Variants in NRG3 observed in about 807,000 individuals in gnomAD.
NRG3 encodes neuregulin 3.
Under a neutral mutation model 66.9 loss-of-function variants are expected in NRG3, and 31 were observed. That is an observed-to-expected ratio of 0.46 (90% CI 0.35 to 0.63). The LOEUF (loss-of-function observed/expected upper bound fraction) is 0.63. Ranked by LOEUF, NRG3 falls within the 20% of genes least tolerant of loss-of-function variation. The probability of loss-of-function intolerance (pLI) is 0.00; values close to 1 mark genes in which losing one functional copy is unlikely to be tolerated. For synonymous variants in NRG3, 393 were observed against 359.4 expected, an observed-to-expected ratio of 1.09 and a Z score of -1.06; for missense variants, 910 against 878.9, an observed-to-expected ratio of 1.04 and a Z score of -0.45.
At chr10:82,446,516 T>A (rs1448850921) in intron 2 of NRG3, among the ~76,000 whole-genome samples, 1 of 152,168 alleles carries the variant, frequency 6.6e-6, no homozygotes, top group Non-Finnish European at 1.5e-5. Context: ...GCCATTATCC[T>A]CAGCAAACTA....
intron 1 of NRG3, among the ~76,000 whole-genome samples, chr10:81,936,040 T>C (rs1264066326): frequency 1.3e-5 from 2 of 152,146 alleles, no homozygotes; most frequent in African/African-American, 4.8e-5. Flanking sequence ...GTTATGGTCC[T>C]GCCTGTGTTC....
chr10:81,973,623 C>CTA (rs1564702864), intron 1 of NRG3, among the ~76,000 whole-genome samples: 1 of 152,086 alleles, frequency 6.6e-6, no homozygotes, highest in Non-Finnish European at 1.5e-5. Context: ...TAGATGGTAT[C>CTA]TCATTGCAGT....
intron 1 of NRG3, among the ~76,000 whole-genome samples, chr10:82,242,215 C>T (rs570087047): frequency 2.9e-4 from 44 of 152,202 alleles, no homozygotes; most frequent in African/African-American, 1.0e-3. Context: ...CAACTTCAAT[C>T]GTGGATGCCC....
chr10:82,835,453 G>T (rs892168751), intron 3 of NRG3, among the ~76,000 whole-genome samples: 1 of 152,106 alleles, frequency 6.6e-6, no homozygotes, highest in Admixed American at 6.6e-5. Flanking sequence ...TATTATCAAA[G>T]GAAACAGAAT....
chr10:82,794,884 C>T (rs1202611448), intron 3 of NRG3, among the ~76,000 whole-genome samples: 1 of 152,154 alleles, frequency 6.6e-6, no homozygotes, highest in Non-Finnish European at 1.5e-5. Context: ...GAAATAGTGG[C>T]CACTCACCCA....
chr10:82,504,703 C>T (rs942034600), intron 2 of NRG3, among the ~76,000 whole-genome samples: 2 of 152,082 alleles, frequency 1.3e-5, no homozygotes, highest in African/African-American at 2.4e-5. Flanking sequence ...ACAAAGTAAG[C>T]GCCATCACGT....
intron 4 of NRG3, among the ~76,000 whole-genome samples, chr10:82,939,101 A>G (rs1190336130): frequency 6.6e-6 from 1 of 152,194 alleles, no homozygotes; most frequent in Non-Finnish European, 1.5e-5. Flanking sequence ...CATATTAGAC[A>G]TATTAATGAG....
chr10:82,675,600 T>A (rs145248079), intron 2 of NRG3, among the ~76,000 whole-genome samples: 1 of 152,328 alleles, frequency 6.6e-6, no homozygotes, highest in East Asian at 1.9e-4. Flanking sequence ...GCCCCCTCTA[T>A]CTGCCTAGCC....
At chr10:82,274,298 A>G (rs923394727) in intron 1 of NRG3, among the ~76,000 whole-genome samples, 1 of 152,076 alleles carries the variant, frequency 6.6e-6, no homozygotes, top group Non-Finnish European at 1.5e-5. Flanking sequence ...TCCCATGCTC[A>G]TAGAAACTTC....
At chr10:82,496,796 CTTTA>C (rs1843673016) in intron 2 of NRG3, among the ~76,000 whole-genome samples, 1 of 152,030 alleles carries the variant, frequency 6.6e-6, no homozygotes, top group African/African-American at 2.4e-5. Flanking sequence ...TAATCAGTTT[CTTTA>C]TTTTAGATTA....
intron 1 of NRG3, among the ~76,000 whole-genome samples, chr10:82,037,641 A>G (rs1188585413): frequency 6.6e-6 from 1 of 152,092 alleles, no homozygotes; most frequent in Non-Finnish European, 1.5e-5. Context: ...GAATGAGCAC[A>G]GTACTAGAAG....
At chr10:82,669,882 C>G (rs1317233166) in intron 2 of NRG3, among the ~76,000 whole-genome samples, 3 of 150,706 alleles carry the variant, frequency 2.0e-5, no homozygotes, top group Non-Finnish European at 3.0e-5. Flanking sequence ...GAGCCGAGAT[C>G]GCACCACTGC....
At chr10:81,889,494 T>G (rs894455518) in intron 1 of NRG3, 1 of 152,186 alleles carries the variant, frequency 6.6e-6, no homozygotes, top group Non-Finnish European at 1.5e-5. Context: ...ACCCACGTTT[T>G]TCACCCTAAA....
chr10:82,937,914 C>T (rs183910593), intron 4 of NRG3, among the ~76,000 whole-genome samples: 117 of 152,216 alleles, frequency 7.7e-4, no homozygotes, highest in African/African-American at 2.3e-3. Context: ...CATGGCTAGC[C>T]TGAAATGAGC....
In NRG3 at chr10:82,704,289, C is replaced by A. The variant is rs577439254; in HGVS notation, c.954-34288C>A. Among the ~76,000 whole-genome samples, 15 of 152,090 alleles carry A rather than the reference C, an allele frequency of 9.9e-5. No individual in the cohort carries two copies. In the South Asian group the frequency reaches 2.3e-3, roughly 23 times the overall value. Reference sequence around the variant, plus strand: ...CCATCCAGATCTTTATTCTATTTCCCGATTAAATGTTCAGAAAGGCAGTGC... The same window carrying A: ...CCATCCAGATCTTTATTCTATTTCCAGATTAAATGTTCAGAAAGGCAGTGC... On this transcript the variant is annotated intron_variant, in intron 2 of 8. Coordinates refer to ENST00000372141, the MANE Select transcript of NRG3 (RefSeq NM_001010848.4).
chr10:82,917,970 GTATATATATATA>G (rs1171736937), intron 4 of NRG3, among the ~76,000 whole-genome samples: 2 of 114,016 alleles, frequency 1.8e-5, no homozygotes, highest in African/African-American at 7.4e-5. Context: ...GTGTGTGTGT[GTATATATATATA>G]TATATATATA....
At chr10:82,084,543 T>C (rs1590050144) in intron 1 of NRG3, among the ~76,000 whole-genome samples, 3 of 150,136 alleles carry the variant, frequency 2.0e-5, no homozygotes, top group Non-Finnish European at 4.4e-5. Context: ...TCTACATGAA[T>C]CAGGTTTCTG....
At chr10:82,159,034 A>C (rs2071385432) in intron 1 of NRG3, among the ~76,000 whole-genome samples, 1 of 151,892 alleles carries the variant, frequency 6.6e-6, no homozygotes, top group African/African-American at 2.4e-5. Context: ...AATTTTTTTT[A>C]GTAGGCTTCA....
chr10:82,501,764 C>T lies in NRG3; in HGVS notation c.953+142896C>T, dbSNP rs1002102649. On this transcript the variant is annotated intron_variant, in intron 2 of 8. Transcript: ENST00000372141. ...TTTTAGTAACTCAATTCTCTAACCA[C>T]CAAAAATGGGACTTTTTAGTTCTAT... Among the ~76,000 whole-genome samples the T allele has an allele frequency of 5.3e-5, 8 of 152,156 alleles. 1 individual carries two copies. The highest frequency in any genetic ancestry group is 1.9e-4 in the African/African-American group (8 of 41,432).
Sources: allele counts gnomAD v4.1 joint callset (sites outside exome capture counted in the v4.1 genomes callset), GRCh38; gene constraint gnomAD v4.1.1; transcripts MANE v1.5; gene names NCBI Gene and HGNC (gene_info 2026-07-23, HGNC 2026-07-21).